Variants in AVEN observed in about 807,000 individuals in gnomAD.
The protein encoded by AVEN is apoptosis and caspase activation inhibitor.
Under a neutral mutation model 38.1 loss-of-function variants are expected in AVEN, and 41 were observed. The observed-to-expected ratio is 1.08, with a 90% CI of 0.84 to 1.40. The LOEUF is 1.40. Among genes scored for constraint, AVEN ranks in the 40% most tolerant of loss-of-function variants. The pLI is 0.00. For synonymous variants in AVEN, 206 were observed against 171.8 expected (o/e 1.20, Z -1.56); for missense variants, 605 against 438.8 (o/e 1.38, Z -3.38).
chr15:33,864,983 G>A, downstream of AVEN: 1 of 601,474 alleles, frequency 1.7e-6, no homozygotes, highest in Non-Finnish European at 2.9e-6. Flanking sequence ...AGCCTGTGCT[G>A]GGAATAGAGC....
intron 2 of AVEN, among the ~76,000 whole-genome samples, chr15:33,955,831 C>T (rs1286525843): frequency 6.6e-6 from 1 of 152,134 alleles, no homozygotes; most frequent in Non-Finnish European, 1.5e-5. Flanking sequence ...AGTGATGTAA[C>T]GTAATTCACC....
At chr15:33,937,301 G>A (rs973060888) in intron 2 of AVEN, among the ~76,000 whole-genome samples, 17 of 151,706 alleles carry the variant, frequency 1.1e-4, no homozygotes, top group Admixed American at 5.9e-4. Flanking sequence ...TTGGGAGGCC[G>A]AGGCGGGCGG....
chr15:34,031,213 T>A (rs901677537), intron 1 of AVEN, among the ~76,000 whole-genome samples: 7 of 148,476 alleles, frequency 4.7e-5, no homozygotes, highest in Non-Finnish European at 7.4e-5. Context: ...TTGCTCTTGT[T>A]GCCCAGGCTG....
intron 2 of AVEN, among the ~76,000 whole-genome samples, chr15:33,904,718 C>T (rs1179376718): frequency 4.1e-5 from 6 of 147,458 alleles, no homozygotes; most frequent in African/African-American, 1.6e-4. Flanking sequence ...TATATATATA[C>T]ACACACACAC....
intron 4 of AVEN, chr15:34,064,301 C>T (rs750778878): frequency 6.2e-7 from 1 of 1,612,448 alleles, no homozygotes; most frequent in Non-Finnish European, 8.5e-7. Context: ...GGCAGGGGAA[C>T]AGCAAGCTAC....
intron 2 of AVEN, among the ~76,000 whole-genome samples, chr15:33,980,192 T>C (rs1014974896): frequency 6.6e-6 from 1 of 152,198 alleles, no homozygotes; most frequent in African/African-American, 2.4e-5. Context: ...CATTAAAGTA[T>C]GTAAGTATGT....
At chr15:34,025,139 C>T (rs2140733914) in intron 1 of AVEN, among the ~76,000 whole-genome samples, 1 of 152,156 alleles carries the variant, frequency 6.6e-6, no homozygotes, top group African/African-American at 2.4e-5. Flanking sequence ...CACTGCACTC[C>T]ACCCTGGGCG....
intron 2 of AVEN, among the ~76,000 whole-genome samples, chr15:33,881,207 A>G (rs1389811390): frequency 6.8e-6 from 1 of 147,858 alleles, no homozygotes; most frequent in Non-Finnish European, 1.5e-5. Flanking sequence ...CCCCCATCTC[A>G]GCCTCCCAAG....
At chr15:34,053,538 A>G (rs1487986458) in intron 5 of AVEN, among the ~76,000 whole-genome samples, 1 of 151,854 alleles carries the variant, frequency 6.6e-6, no homozygotes, top group Non-Finnish European at 1.5e-5. Flanking sequence ...ATCTACAAAC[A>G]TCTGATCTTT....
intron 2 of AVEN, among the ~76,000 whole-genome samples, chr15:33,912,617 G>A (rs2153045712): frequency 6.6e-6 from 1 of 152,296 alleles, no homozygotes; most frequent in East Asian, 1.9e-4. Flanking sequence ...CTGCCCAACT[G>A]AAATGCTGAG....
At chr15:33,860,717 G>T in intron 11 of AVEN, 1 of 1,281,138 alleles carries the variant, frequency 7.8e-7, no homozygotes, top group Non-Finnish European at 1.1e-6. Context: ...GAAGCAAATA[G>T]ATTTTTTAAA....
At chr15:33,992,990 T>C (rs1010444214) in intron 2 of AVEN, among the ~76,000 whole-genome samples, 4 of 152,244 alleles carry the variant, frequency 2.6e-5, no homozygotes, top group African/African-American at 4.8e-5. Context: ...TCTCTAAAAA[T>C]AGTGTTTACA....
intron 5 of AVEN, among the ~76,000 whole-genome samples, chr15:34,045,002 C>T (rs1009878679): frequency 1.8e-4 from 28 of 152,076 alleles, no homozygotes; most frequent in African/African-American, 4.1e-4. Flanking sequence ...GAGCCGAGAT[C>T]GTGCCACTGC....
At chr15:33,975,941 A>C (rs1895866248) in intron 2 of AVEN, among the ~76,000 whole-genome samples, 1 of 152,138 alleles carries the variant, frequency 6.6e-6, no homozygotes, top group South Asian at 2.1e-4. Context: ...AGAAGAAAAG[A>C]AAAGAAAGAA....
intron 11 of AVEN, chr15:33,861,166 T>C: frequency 6.3e-7 from 1 of 1,588,430 alleles, no homozygotes; most frequent in Non-Finnish European, 8.6e-7. Context: ...GAGCACAACT[T>C]AGCCAACTAC....
At chr15:33,995,320 T>C (rs1396843322) in intron 2 of AVEN, among the ~76,000 whole-genome samples, 1 of 151,978 alleles carries the variant, frequency 6.6e-6, no homozygotes, top group Non-Finnish European at 1.5e-5. Context: ...ACAATAAAAA[T>C]ACAAATAAAA....
chr15:33,898,807 C>T (rs1216479546), intron 2 of AVEN, among the ~76,000 whole-genome samples: 1 of 152,106 alleles, frequency 6.6e-6, no homozygotes, highest in Non-Finnish European at 1.5e-5. Flanking sequence ...TGACAAATGC[C>T]ACAAAAAGAC....
In AVEN at chr15:33,951,248, C is replaced by T. The variant is rs906673894; in HGVS notation, c.445+51784G>A. Among the ~76,000 whole-genome samples, 35 of 152,140 alleles carry T rather than the reference C, an allele frequency of 2.3e-4. 1 individual carries two copies. The highest frequency in any genetic ancestry group is 7.2e-4 in the African/African-American group (30 of 41,426). ...GGAAGTTAAGTATTTTTTAGTCTCT[C>T]AGGTACGCTTCCTTCAAAACATTCC... On this transcript the variant is annotated intron_variant, in intron 2 of 5. Transcript: ENST00000306730.
At chr15:34,070,172 T>A (rs1258514522) in intron 2 of AVEN, among the ~76,000 whole-genome samples, 1 of 152,010 alleles carries the variant, frequency 6.6e-6, no homozygotes, top group Non-Finnish European at 1.5e-5. Flanking sequence ...AACCATCAGA[T>A]CTCGTGAGAA....
Sources: gnomAD v4.1 joint callset for allele counts (sites outside exome capture counted in the v4.1 genomes callset) on GRCh38, gnomAD v4.1.1 for gene constraint, MANE v1.5 for transcripts, NCBI Gene and HGNC (gene_info 2026-07-23, HGNC 2026-07-21) for gene names.